The following LRRTM4 variants were observed in gnomAD, a reference collection of about 807,000 sequenced individuals.
LRRTM4 encodes the protein leucine rich repeat transmembrane neuronal 4.
Under a neutral mutation model 47.6 loss-of-function variants are expected in LRRTM4, and 25 were observed. That is an observed-to-expected ratio of 0.53 (90% CI 0.38 to 0.73). LRRTM4 has a LOEUF of 0.73. Ranked by LOEUF, LRRTM4 falls within the 30% of genes least tolerant of loss-of-function variation. LRRTM4 has a pLI of 0.00. For synonymous variants in LRRTM4, 311 were observed against 269.5 expected, an observed-to-expected ratio of 1.15 and a Z score of -1.51; for missense variants, 638 against 713.4, an observed-to-expected ratio of 0.89 and a Z score of 1.20.
chr2:77,408,882 A>G (rs958028782), intron 3 of LRRTM4, among the ~76,000 whole-genome samples: 1 of 152,250 alleles, frequency 6.6e-6, no homozygotes, highest in Non-Finnish European at 1.5e-5. Flanking sequence ...TAAACAGTCA[A>G]AAGAATGTGT....
intron 3 of LRRTM4, among the ~76,000 whole-genome samples, chr2:77,513,938 AT>A (rs1558778050): frequency 6.6e-6 from 1 of 152,130 alleles, no homozygotes; most frequent in African/African-American, 2.4e-5. Flanking sequence ...AATCTTGGTG[AT>A]TTTAACAAAT....
rs374892959 is a variant in LRRTM4 at position 76,844,570 on chromosome 2, AT to A, written c.1552-95655del. ...AATGAAACTATTTTTTTACTACTCTATAATGTAGTTTTTTACTGAAGTTTAT... is the reference window on the plus strand; with the variant it reads ...AATGAAACTATTTTTTTACTACTCTAAATGTAGTTTTTTACTGAAGTTTAT... On this transcript the variant is annotated intron_variant, in intron 3 of 3. Transcript: ENST00000409884. Among the ~76,000 whole-genome samples, 987 of 152,272 alleles carry A rather than the reference AT, an allele frequency of 6.5e-3. 10 individuals are homozygous for A. Among genetic ancestry groups the A allele is most frequent in the African/African-American group, 0.023 (937 of 41,554 alleles).
intron 3 of LRRTM4, among the ~76,000 whole-genome samples, chr2:77,096,510 AAAC>A (rs1157869800): frequency 5.3e-5 from 8 of 151,716 alleles, no homozygotes; most frequent in Non-Finnish European, 8.9e-5. Context: ...CAAAAGTACA[AAAC>A]AATAATAAAA....
intron 3 of LRRTM4, among the ~76,000 whole-genome samples, chr2:77,349,081 A>C (rs1353099450): frequency 6.6e-6 from 1 of 151,932 alleles, no homozygotes; most frequent in African/African-American, 2.4e-5. Context: ...TTTAATCAAC[A>C]GTGTTTTGGA....
chr2:76,899,372 AT>A (rs1430867459), intron 3 of LRRTM4, among the ~76,000 whole-genome samples: 1 of 150,834 alleles, frequency 6.6e-6, no homozygotes, highest in African/African-American at 2.4e-5. Context: ...TATAAACTAT[AT>A]TTTATAATAG....
chr2:77,134,995 GC>G (rs66910374), intron 3 of LRRTM4, among the ~76,000 whole-genome samples: 53,782 of 151,904 alleles, frequency 0.35, 10,567 homozygotes, highest in African/African-American at 0.53. Flanking sequence ...ACCTTCTGAG[GC>G]ATCAGTAAAA....
intron 3 of LRRTM4, among the ~76,000 whole-genome samples, chr2:76,821,878 C>G (rs1251932085): frequency 1.3e-5 from 2 of 151,580 alleles, no homozygotes; most frequent in East Asian, 3.9e-4. Flanking sequence ...ACCTCTCTCT[C>G]CCTGTTCCTC....
chr2:77,409,394 A>G (rs1373376043), intron 3 of LRRTM4, among the ~76,000 whole-genome samples: 8 of 152,174 alleles, frequency 5.3e-5, no homozygotes, highest in African/African-American at 1.9e-4. Context: ...GGCAGAAATC[A>G]GAAGGACAAG....
At chr2:77,470,939 G>A (rs753316970) in intron 3 of LRRTM4, among the ~76,000 whole-genome samples, 6 of 151,996 alleles carry the variant, frequency 3.9e-5, no homozygotes, top group African/African-American at 4.8e-5. Flanking sequence ...TGCAGGACTC[G>A]CTATTAGGAC....
At chr2:77,211,399 A>G (rs1207713531) in intron 3 of LRRTM4, among the ~76,000 whole-genome samples, 2 of 152,168 alleles carry the variant, frequency 1.3e-5, no homozygotes, top group East Asian at 1.9e-4. Context: ...TGGTGCTTAC[A>G]TTAGAGAAAA....
chr2:76,771,711 G>A (rs1327244386), intron 3 of LRRTM4, among the ~76,000 whole-genome samples: 3 of 151,874 alleles, frequency 2.0e-5, no homozygotes, highest in Non-Finnish European at 4.4e-5. Context: ...CACATCAAAG[G>A]CAGAGGTGAA....
chr2:77,295,871 A>C (rs1346312141), intron 3 of LRRTM4, among the ~76,000 whole-genome samples: 2 of 152,142 alleles, frequency 1.3e-5, no homozygotes. Flanking sequence ...AAATACTGAG[A>C]TATTTGGACA....
At chr2:76,898,796 A>G (rs914218396) in intron 3 of LRRTM4, among the ~76,000 whole-genome samples, 45 of 151,170 alleles carry the variant, frequency 3.0e-4, no homozygotes, top group African/African-American at 1.0e-3. Context: ...TACATTATAT[A>G]TAATAGAGAT....
At chr2:76,983,655 A>G (rs1033034812) in intron 3 of LRRTM4, among the ~76,000 whole-genome samples, 10 of 152,076 alleles carry the variant, frequency 6.6e-5, no homozygotes, top group African/African-American at 1.9e-4. Flanking sequence ...AGACTTATAC[A>G]GTAATTATAG....
intron 3 of LRRTM4, among the ~76,000 whole-genome samples, chr2:77,114,353 G>C (rs79755286): frequency 2.6e-5 from 4 of 152,056 alleles, no homozygotes; most frequent in African/African-American, 7.2e-5. Flanking sequence ...ATTTTCCATC[G>C]GTACCCGAAT....
intron 3 of LRRTM4, among the ~76,000 whole-genome samples, chr2:77,048,685 A>C (rs558304081): frequency 6.6e-6 from 1 of 151,836 alleles, no homozygotes; most frequent in African/African-American, 2.4e-5. Flanking sequence ...ATAGTGTGAT[A>C]TTTTGATACA....
At chr2:77,466,306 C>T (rs970913251) in intron 3 of LRRTM4, among the ~76,000 whole-genome samples, 7 of 151,856 alleles carry the variant, frequency 4.6e-5, no homozygotes, top group African/African-American at 1.7e-4. Flanking sequence ...CAGGGGAGTC[C>T]GAATTAAATC....
At chr2:76,858,871 C>T (rs1672232731) in intron 3 of LRRTM4, among the ~76,000 whole-genome samples, 1 of 152,122 alleles carries the variant, frequency 6.6e-6, no homozygotes, top group Non-Finnish European at 1.5e-5. Context: ...CCCTATGCTA[C>T]ACTGAATAGT....
At chr2:76,801,244 G>T (rs1329779421) in intron 3 of LRRTM4, among the ~76,000 whole-genome samples, 2 of 152,062 alleles carry the variant, frequency 1.3e-5, no homozygotes, top group South Asian at 2.1e-4. Flanking sequence ...ATTCACAATA[G>T]CAAAGACTTG....
Sources: gnomAD v4.1 joint callset for allele counts (sites outside exome capture counted in the v4.1 genomes callset) on GRCh38, gnomAD v4.1.1 for gene constraint, MANE v1.5 for transcripts, NCBI Gene and HGNC (gene_info 2026-07-23, HGNC 2026-07-21) for gene names.